ST8SIA4: variants seen among roughly 807,000 people sequenced by gnomAD.
ST8SIA4 encodes ST8 alpha-N-acetyl-neuraminide alpha-2,8-sialyltransferase 4, also known as CMP-N-acetylneuraminate-poly-alpha-2,8-sialyltransferase.
ST8SIA4 carries 15 observed loss-of-function variants against 33.9 expected under a neutral mutation model. That is an observed-to-expected ratio of 0.44 (90% CI 0.30 to 0.68). The LOEUF (loss-of-function observed/expected upper bound fraction) is 0.68, where lower values mean the gene tolerates loss of function less well. ST8SIA4 is among the 30% of genes least tolerant of loss of function. The probability of loss-of-function intolerance (pLI) is 0.10; values close to 1 mark genes in which losing one functional copy is unlikely to be tolerated. For missense variants in ST8SIA4, 321 were observed against 428.0 expected (o/e 0.75, Z 2.21); for synonymous variants, 171 against 151.2 (o/e 1.13, Z -0.96).
At chr5:100,823,563 G>C (rs1194008414) in intron 4 of ST8SIA4, among the ~76,000 whole-genome samples, 1 of 152,114 alleles carries the variant, frequency 6.6e-6, no homozygotes, top group Non-Finnish European at 1.5e-5. Flanking sequence ...ACAAATTTAA[G>C]TTCAGTTTCA....
chr5:100,827,584 C>T (rs1256506535), intron 4 of ST8SIA4, among the ~76,000 whole-genome samples: 1 of 152,204 alleles, frequency 6.6e-6, no homozygotes, highest in Non-Finnish European at 1.5e-5. Flanking sequence ...ACTTATGTAT[C>T]TCAGTGACAG....
At chr5:100,901,774 A>T (rs894808594) in intron 1 of ST8SIA4, among the ~76,000 whole-genome samples, 1 of 152,154 alleles carries the variant, frequency 6.6e-6, no homozygotes, top group Non-Finnish European at 1.5e-5. Flanking sequence ...AATGCTTATT[A>T]CCTAGGGAGC....
intron 4 of ST8SIA4, among the ~76,000 whole-genome samples, chr5:100,848,507 A>G (rs1751615052): frequency 6.7e-6 from 1 of 150,248 alleles, no homozygotes; most frequent in Non-Finnish European, 1.5e-5. Context: ...TATACTCTGT[A>G]TAGTATATAT....
At chr5:100,885,008 C>T (rs1448558993) in intron 3 of ST8SIA4, among the ~76,000 whole-genome samples, 1 of 146,180 alleles carries the variant, frequency 6.8e-6, no homozygotes, top group Non-Finnish European at 1.6e-5. Flanking sequence ...GCCTTGACAT[C>T]GTTACTTCTT....
intron 3 of ST8SIA4, among the ~76,000 whole-genome samples, chr5:100,857,910 T>A (rs894239930): frequency 2.0e-5 from 3 of 152,084 alleles, no homozygotes; most frequent in African/African-American, 7.2e-5. Flanking sequence ...TCAATTTGGG[T>A]ATCTTTAATT....
chr5:100,870,254 C>G (rs1308403295), intron 3 of ST8SIA4, among the ~76,000 whole-genome samples: 1 of 152,084 alleles, frequency 6.6e-6, no homozygotes, highest in East Asian at 1.9e-4. Flanking sequence ...CATTGATGAA[C>G]ATTTGGGTTG....
intron 3 of ST8SIA4, among the ~76,000 whole-genome samples, chr5:100,883,812 C>T (rs1174986132): frequency 3.3e-5 from 5 of 152,160 alleles, no homozygotes; most frequent in East Asian, 1.9e-4. Flanking sequence ...TTTCACCTCC[C>T]GCCATAATTC....
At chr5:100,819,744 T>G (rs1420629129) in intron 4 of ST8SIA4, among the ~76,000 whole-genome samples, 1 of 152,154 alleles carries the variant, frequency 6.6e-6, no homozygotes, top group Non-Finnish European at 1.5e-5. Context: ...GAAAATGGAG[T>G]AAACCATTTA....
intron 1 of ST8SIA4, among the ~76,000 whole-genome samples, chr5:100,902,344 A>G (rs1752937737): frequency 6.6e-6 from 1 of 151,738 alleles, no homozygotes; most frequent in South Asian, 2.1e-4. Context: ...AAATTATAAC[A>G]CATTAATCTA....
At chr5:100,821,638 TTCCATTGAATAATGTAAC>T (rs1751032389) in intron 4 of ST8SIA4, among the ~76,000 whole-genome samples, 1 of 126,968 alleles carries the variant, frequency 7.9e-6, no homozygotes, top group South Asian at 3.2e-4. Flanking sequence ...GTGATCTATA[TTCCATTGAATAATGTAAC>T]ATTCTTGCTA....
chr5:100,883,768 C>T (rs1752478891), intron 3 of ST8SIA4, among the ~76,000 whole-genome samples: 1 of 152,148 alleles, frequency 6.6e-6, no homozygotes, highest in African/African-American at 2.4e-5. Flanking sequence ...GCATCTCCCT[C>T]ATTTTCTCTA....
At chr5:100,856,520 G>A (rs1580465314) in intron 3 of ST8SIA4, 124 bp from the exon 4 acceptor site, 4 of 880,632 alleles carry the variant, frequency 4.5e-6, no homozygotes, top group Non-Finnish European at 6.9e-6. Flanking sequence ...AAAACCAAAA[G>A]ATCATCTACT....
At chr5:100,845,632 T>C (rs901504319) in intron 4 of ST8SIA4, among the ~76,000 whole-genome samples, 1 of 151,952 alleles carries the variant, frequency 6.6e-6, no homozygotes, top group Non-Finnish European at 1.5e-5. Context: ...GAACAAATTA[T>C]TGAGCTTTCC....
chr5:100,823,774 T>G (rs1270337106), intron 4 of ST8SIA4, among the ~76,000 whole-genome samples: 4 of 152,232 alleles, frequency 2.6e-5, no homozygotes, highest in African/African-American at 9.6e-5. Flanking sequence ...ACAATTCAAC[T>G]CAATATAGCA....
chr5:100,863,821 T>G (rs1419383524), intron 3 of ST8SIA4, among the ~76,000 whole-genome samples: 1 of 152,148 alleles, frequency 6.6e-6, no homozygotes, highest in African/African-American at 2.4e-5. Flanking sequence ...AAATAAGACA[T>G]AAAATTAGAG....
At chr5:100,816,580 C>A (rs777380901) in intron 4 of ST8SIA4, 7 of 504,358 alleles carry the variant, frequency 1.4e-5, no homozygotes, top group Admixed American at 4.8e-5. Flanking sequence ...ATAGTTTTTT[C>A]TCTTAAAATG....
intron 2 of ST8SIA4, among the ~76,000 whole-genome samples, chr5:100,890,417 C>T (rs921806583): frequency 2.6e-5 from 4 of 151,720 alleles, no homozygotes; most frequent in African/African-American, 9.7e-5. Flanking sequence ...TATGCTTTTG[C>T]TAAGAAGACA....
chr5:100,883,073 T>G (rs1217578841), intron 3 of ST8SIA4, among the ~76,000 whole-genome samples: 1 of 152,140 alleles, frequency 6.6e-6, no homozygotes, highest in Non-Finnish European at 1.5e-5. Flanking sequence ...GAATGGTAGA[T>G]GCACAGACAG....
chr5:100,831,177 T>C (rs1043868803), intron 4 of ST8SIA4, among the ~76,000 whole-genome samples: 9 of 152,328 alleles, frequency 5.9e-5, no homozygotes, highest in African/African-American at 2.2e-4. Context: ...TCATTATTGC[T>C]TCTGTTCTCC....
Sources: gnomAD v4.1 joint callset for allele counts (sites outside exome capture counted in the v4.1 genomes callset) on GRCh38, gnomAD v4.1.1 for gene constraint, MANE v1.5 for transcripts, NCBI Gene and HGNC (gene_info 2026-07-23, HGNC 2026-07-21) for gene names.